The following TRPM3 variants were observed in gnomAD, a reference collection of about 807,000 sequenced individuals.
TRPM3 encodes long transient receptor potential channel 3.
Under a neutral mutation model 181.2 loss-of-function variants are expected in TRPM3, and 77 were observed. The ratio of observed to expected loss-of-function variants is 0.42; its 90% CI spans 0.35 to 0.51. The LOEUF (loss-of-function observed/expected upper bound fraction) is 0.51. Ranked by LOEUF, TRPM3 falls within the 20% of genes least tolerant of loss-of-function variation. The probability of loss-of-function intolerance (pLI) is 0.01; values close to 1 mark genes in which losing one functional copy is unlikely to be tolerated. For synonymous variants in TRPM3, 745 were observed against 796.4 expected (o/e 0.94, Z 1.09); for missense variants, 1,759 against 2,196.7 (o/e 0.80, Z 3.98).
At chr9:70,614,655 A>T (rs546327169) in intron 18 of TRPM3, among the ~76,000 whole-genome samples, 1 of 152,180 alleles carries the variant, frequency 6.6e-6, no homozygotes, top group Non-Finnish European at 1.5e-5. Context: ...TTACAGGCAC[A>T]CTTTTTACAC....
At chr9:71,359,219 A>G (rs1265518873) in intron 1 of TRPM3, among the ~76,000 whole-genome samples, 1 of 152,226 alleles carries the variant, frequency 6.6e-6, no homozygotes, top group African/African-American at 2.4e-5. Context: ...TGGAATTTGC[A>G]CAATCTGTTC....
intron 1 of TRPM3, among the ~76,000 whole-genome samples, chr9:70,899,955 T>G (rs1010380139): frequency 6.6e-6 from 1 of 152,238 alleles, no homozygotes; most frequent in African/African-American, 2.4e-5. Flanking sequence ...TTTAAAATAT[T>G]TGTAAAAAAA....
chr9:71,057,615 C>T (rs886879833), intron 1 of TRPM3, among the ~76,000 whole-genome samples: 3 of 152,084 alleles, frequency 2.0e-5, no homozygotes, highest in African/African-American at 7.2e-5. Context: ...CAGACCTATC[C>T]TAAAAGTTAA....
chr9:70,772,456 T>G (rs2080496117), intron 7 of TRPM3, among the ~76,000 whole-genome samples: 1 of 152,090 alleles, frequency 6.6e-6, no homozygotes, highest in South Asian at 2.1e-4. Flanking sequence ...TAGCTGGGAC[T>G]TGGCCTCCTG....
intron 7 of TRPM3, 39 bp downstream of exon 7, chr9:70,784,066 G>GA (rs1427936590): frequency 2.5e-5 from 40 of 1,598,994 alleles, no homozygotes; most frequent in Non-Finnish European, 3.4e-5. Flanking sequence ...TTCCAAACAG[G>GA]CTTTAGGGTT....
Position 70,672,621 on chromosome 9 carries a change from A to C in TRPM3, c.1345+8885T>G, listed in dbSNP as rs555472711. On this transcript the variant is annotated intron_variant, in intron 9 of 25. Transcript: ENST00000677713. ...GATGCTCTAACAATTTAAAAATAAA[A>C]CAAGTATGAGATCACCCTTATTCTT... 1.2e-3 allele frequency among the ~76,000 whole-genome samples: 181 copies of C among 152,320 alleles called. 1 individual carries two copies. The highest frequency in any genetic ancestry group is 4.2e-3 in the African/African-American group (175 of 41,568).
At chr9:71,083,102 G>A (rs1005731082) in intron 1 of TRPM3, among the ~76,000 whole-genome samples, 6 of 152,034 alleles carry the variant, frequency 3.9e-5, no homozygotes, top group African/African-American at 1.4e-4. Flanking sequence ...CCCACTGAGA[G>A]CTTAAAGACG....
At chr9:71,142,225 A>G (rs1051307934) in intron 1 of TRPM3, among the ~76,000 whole-genome samples, 4 of 152,104 alleles carry the variant, frequency 2.6e-5, no homozygotes, top group East Asian at 1.9e-4. Flanking sequence ...GAGTGGCTTG[A>G]GCTGGTCAGT....
At chr9:71,102,110 T>C (rs1591427360) in intron 1 of TRPM3, among the ~76,000 whole-genome samples, 2 of 152,216 alleles carry the variant, frequency 1.3e-5, no homozygotes, top group East Asian at 3.8e-4. Flanking sequence ...ACATTAATTT[T>C]TGGCTAATCA....
chr9:70,616,571 T>C (rs1300046941), intron 17 of TRPM3, among the ~76,000 whole-genome samples: 1 of 86,818 alleles, frequency 1.2e-5, no homozygotes, highest in African/African-American at 4.4e-5. Context: ...TGATTATCTC[T>C]GCAAAAAAAA....
At position 70,625,533 on chromosome 9, in the gene TRPM3, T is replaced by A. The variant is rs763224537; in HGVS notation, c.1633-16A>T. On this transcript the variant is annotated splice_polypyrimidine_tract_variant and intron_variant, in intron 12 of 25. Transcript: ENST00000677713. This position sits in a 1 kb window ranked among gnomAD's most constrained non-coding sequence, Gnocchi z 4.8. Reference sequence around the variant, plus strand: ...GATACTCTCGCTTGGAAAGAAGACATAAGTTAAATAAGAAGATGCAGTAAT... The same window carrying A: ...GATACTCTCGCTTGGAAAGAAGACAAAAGTTAAATAAGAAGATGCAGTAAT... The A allele has an allele frequency of 6.2e-7, 1 of 1,607,164 alleles. No homozygotes were observed. Among genetic ancestry groups the A allele is most frequent in the South Asian group, 1.1e-5 (1 of 89,092 alleles).
At chr9:71,335,666 C>T (rs1440763951) in intron 1 of TRPM3, among the ~76,000 whole-genome samples, 1 of 152,064 alleles carries the variant, frequency 6.6e-6, no homozygotes. Context: ...TAAAAGAATA[C>T]AGAAATAACC....
chr9:71,072,237 G>A (rs964087653), intron 1 of TRPM3, among the ~76,000 whole-genome samples: 1 of 152,134 alleles, frequency 6.6e-6, no homozygotes, highest in Non-Finnish European at 1.5e-5. Context: ...TGTCATTACA[G>A]TTGGTCAGCA....
intron 1 of TRPM3, among the ~76,000 whole-genome samples, chr9:70,996,641 TCC>T (rs1330077113): frequency 8.7e-4 from 133 of 152,358 alleles, no homozygotes; most frequent in African/African-American, 3.0e-3. Flanking sequence ...TTAGATCAGC[TCC>T]CTGTCTAATT....
At chr9:70,940,762 G>C (rs2096878351) in intron 1 of TRPM3, among the ~76,000 whole-genome samples, 1 of 152,150 alleles carries the variant, frequency 6.6e-6, no homozygotes, top group South Asian at 2.1e-4. Context: ...TCGGGACAGG[G>C]ATGGAGAGTG....
At chr9:70,936,597 C>T (rs77716106) in intron 1 of TRPM3, among the ~76,000 whole-genome samples, 4,099 of 152,228 alleles carry the variant, frequency 0.027, 187 homozygotes, top group African/African-American at 0.093. Flanking sequence ...TACCAGTTTG[C>T]TGGATGTTTT....
intron 22 of TRPM3, among the ~76,000 whole-genome samples, chr9:70,572,568 AG>A (rs2052734179): frequency 6.6e-6 from 1 of 152,108 alleles, no homozygotes; most frequent in Non-Finnish European, 1.5e-5. Flanking sequence ...TTTGGCACTT[AG>A]TGTTGAGGAG....
chr9:70,855,982 T>C, intron 3 of TRPM3, among the ~76,000 whole-genome samples: 1 of 152,200 alleles, frequency 6.6e-6, no homozygotes, highest in East Asian at 1.9e-4. Flanking sequence ...ATTTATTCCA[T>C]ATTGTTTTTG....
At chr9:71,119,412 G>A (rs528356970) in intron 1 of TRPM3, among the ~76,000 whole-genome samples, 3 of 151,668 alleles carry the variant, frequency 2.0e-5, no homozygotes, top group African/African-American at 7.3e-5. Context: ...AGTATGGACA[G>A]CACTTTCAGT....
Sources: allele counts gnomAD v4.1 joint callset (sites outside exome capture counted in the v4.1 genomes callset), GRCh38; gene constraint gnomAD v4.1.1; non-coding constraint Gnocchi (gnomAD v3.1); transcripts MANE v1.5; gene names NCBI Gene and HGNC (gene_info 2026-07-23, HGNC 2026-07-21).